ELOC: variants seen among roughly 807,000 people sequenced by gnomAD.
The protein encoded by ELOC is elongin C, also known as elongin-C.
For missense variants in ELOC, 38 were observed against 139.0 expected (o/e 0.27, Z 3.65); for synonymous variants, 40 against 51.3 (o/e 0.78, Z 0.94).
chr8:73,963,243 G>A (rs576350573), intron 1 of ELOC, among the ~76,000 whole-genome samples: 5 of 152,096 alleles, frequency 3.3e-5, no homozygotes, highest in Admixed American at 1.3e-4. Context: ...GTTGAATCTA[G>A]TATCAGTGAA....
chr8:73,961,187 G>C (rs936157632), intron 1 of ELOC, among the ~76,000 whole-genome samples: 3 of 152,174 alleles, frequency 2.0e-5, no homozygotes, highest in Non-Finnish European at 4.4e-5. Context: ...ACATACTACA[G>C]CATTTATTCA....
chr8:73,945,503 A>G lies in ELOC; in HGVS notation c.*1127T>C, dbSNP rs182842242. The G allele has an allele frequency of 2.6e-5, 4 of 152,286 alleles. No homozygotes were observed. The highest frequency in any genetic ancestry group is 1.3e-4 in the Admixed American group (2 of 15,282). The allele number at this position is 152,286 out of a possible 1,614,324, so 9.4% of individuals were successfully genotyped here. ...TTTGTTCCACCTCTGAGATAAAGAC[A>G]ATACTAAACCCATCTCCAGTGCTTC... On this transcript the variant is annotated 3_prime_UTR_variant, in exon 4 of 4. Coordinates refer to ENST00000520242, the MANE Select transcript of ELOC (RefSeq NM_005648.4).
intron 1 of ELOC, among the ~76,000 whole-genome samples, chr8:73,967,625 G>A (rs1363805417): frequency 2.0e-5 from 3 of 151,808 alleles, no homozygotes; most frequent in Non-Finnish European, 2.9e-5. Context: ...GCATCACCAC[G>A]CCTAGCTAAT....
intron 2 of ELOC, among the ~76,000 whole-genome samples, chr8:73,957,590 A>AATTTT (rs1255871842): frequency 6.6e-6 from 1 of 152,202 alleles, no homozygotes. Context: ...ATTAGTATCA[A>AATTTT]AATCACTCAT....
At chr8:73,960,630 G>A (rs1204508395) in intron 1 of ELOC, among the ~76,000 whole-genome samples, 1 of 152,146 alleles carries the variant, frequency 6.6e-6, no homozygotes, top group Non-Finnish European at 1.5e-5. Context: ...GAGCTTTTGA[G>A]GTTAGCAATG....
At chr8:73,949,358 G>C (rs1486671194) in intron 3 of ELOC, among the ~76,000 whole-genome samples, 1 of 152,102 alleles carries the variant, frequency 6.6e-6, no homozygotes, top group Non-Finnish European at 1.5e-5. Context: ...CACTTATTAA[G>C]ACTTTGATAC....
At chr8:73,947,010 A>G (rs1813421421) in intron 3 of ELOC, among the ~76,000 whole-genome samples, 190 bp from the exon 4 acceptor site, 1 of 152,100 alleles carries the variant, frequency 6.6e-6, no homozygotes, top group African/African-American at 2.4e-5. Context: ...TTTGTTTGAG[A>G]CAGAGTCGCG....
chr8:73,956,285 T>C (rs896803608), intron 2 of ELOC, among the ~76,000 whole-genome samples: 3 of 152,138 alleles, frequency 2.0e-5, no homozygotes, highest in Non-Finnish European at 4.4e-5. Flanking sequence ...CTCGGGAGGC[T>C]GAGGCAGGAG....
intron 1 of ELOC, among the ~76,000 whole-genome samples, chr8:73,962,186 G>A (rs1814652284): frequency 6.6e-6 from 1 of 152,188 alleles, no homozygotes; most frequent in Admixed American, 6.5e-5. Flanking sequence ...GTGAGCCACT[G>A]TGCCTGGCCT....
chr8:73,951,484 C>T lies in ELOC; in HGVS notation c.148+4427G>A, dbSNP rs189454649. On this transcript the variant is annotated intron_variant, in intron 3 of 3. Transcript: ENST00000520242. ...AGTTCAAGACCAACCTGGGCAACAT[C>T]GCTACAGAAAATACAATTTAAAAAA... 3.6e-4 allele frequency among the ~76,000 whole-genome samples: 55 copies of T among 151,942 alleles called. 1 individual carries two copies. Among genetic ancestry groups the T allele is most frequent in the African/African-American group, 1.2e-3 (50 of 41,450 alleles).
chr8:73,958,326 A>G lies in ELOC; in HGVS notation c.4+1439T>C, dbSNP rs139010483. On this transcript the variant is annotated intron_variant, in intron 2 of 3. Coordinates refer to ENST00000520242, the MANE Select transcript of ELOC (RefSeq NM_005648.4). ...CTTGTAATAAATATTCATCTATGTT[A>G]TGTCATCATCTTATGTTATGTAATA... Among the ~76,000 whole-genome samples the G allele has an allele frequency of 1.1e-3, 170 of 152,196 alleles. No individual in the cohort carries two copies. The East Asian group carries it at 0.025, about 22-fold the overall frequency.
rs77472206 is a variant in ELOC at position 73,954,212 on chromosome 8, T to C, written c.148+1699A>G. 2.4e-3 allele frequency among the ~76,000 whole-genome samples: 363 copies of C among 152,294 alleles called. 1 individual carries two copies. The highest frequency in any genetic ancestry group is 3.8e-3 in the Non-Finnish European group (259 of 68,034). On this transcript the variant is annotated intron_variant, in intron 3 of 3. Coordinates refer to ENST00000520242, the MANE Select transcript of ELOC (RefSeq NM_005648.4). ...AAGGGATAGTGACAGCTAATGAGTA[T>C]GGAGCTTGCTTTTGGAGTAATAAAA...
intron 3 of ELOC, among the ~76,000 whole-genome samples, chr8:73,954,253 T>C (rs887328463): frequency 2.0e-5 from 3 of 152,176 alleles, no homozygotes; most frequent in East Asian, 3.9e-4. Context: ...TGGAACTAGA[T>C]AGAGATGATG....
At chr8:73,954,097 T>C (rs554625493) in intron 3 of ELOC, among the ~76,000 whole-genome samples, 5 of 152,286 alleles carry the variant, frequency 3.3e-5, no homozygotes, top group Non-Finnish European at 1.5e-5. Flanking sequence ...AAAGGCCATA[T>C]ACTGTATGAT....
chr8:73,960,766 C>T (rs1375499597), intron 1 of ELOC, among the ~76,000 whole-genome samples: 2 of 152,104 alleles, frequency 1.3e-5, no homozygotes, highest in Admixed American at 6.6e-5. Context: ...CAAATATTTG[C>T]TTGAATGAAT....
chr8:73,969,240 C>T (rs1268431646), intron 1 of ELOC, among the ~76,000 whole-genome samples: 1 of 152,158 alleles, frequency 6.6e-6, no homozygotes, highest in Non-Finnish European at 1.5e-5. Flanking sequence ...CTTTGTCTTC[C>T]CCATTTCAGT....
At chr8:73,951,147 C>T (rs1390746928) in intron 3 of ELOC, among the ~76,000 whole-genome samples, 1 of 152,096 alleles carries the variant, frequency 6.6e-6, no homozygotes, top group Non-Finnish European at 1.5e-5. Context: ...GGCGGCATGC[C>T]TGTAATACCA....
In ELOC at chr8:73,945,751, T is replaced by C. The variant is rs1157537050; in HGVS notation, c.*879A>G. 1 of 152,196 alleles carries C rather than the reference T, an allele frequency of 6.6e-6. No homozygotes were observed. Among genetic ancestry groups the C allele is most frequent in the Non-Finnish European group, 1.5e-5 (1 of 68,040 alleles). 9.4% of individuals were successfully genotyped at this position (152,196 alleles called of 1,614,324 possible). A position where few individuals can be genotyped will look rare whatever the true frequency, so the allele number is the denominator to read the frequency against. The stretch of plus-strand genomic sequence containing the variant: ...CACATGTTATTCCATAACATTCTAA[T>C]TGGATGGAGAAAGACTGGAATAGTT... On this transcript the variant is annotated 3_prime_UTR_variant, in exon 4 of 4. Transcript: ENST00000520242.
chr8:73,952,342 G>T (rs768600344), intron 3 of ELOC, among the ~76,000 whole-genome samples: 2 of 151,904 alleles, frequency 1.3e-5, no homozygotes, highest in South Asian at 2.1e-4. Context: ...GTGAGGTGGA[G>T]GGTGCAGTGA....
Sources: allele counts gnomAD v4.1 joint callset (sites outside exome capture counted in the v4.1 genomes callset), GRCh38; gene constraint gnomAD v4.1.1; transcripts MANE v1.5; gene names NCBI Gene and HGNC (gene_info 2026-07-23, HGNC 2026-07-21).